Variants in KAZN observed in about 807,000 individuals in gnomAD.
KAZN encodes the protein kazrin.
Under a neutral mutation model 87.4 loss-of-function variants are expected in KAZN, and 40 were observed. The observed-to-expected ratio is 0.46, with a 90% CI of 0.36 to 0.60. The LOEUF is 0.60. Ranked by LOEUF, KAZN falls within the 20% of genes least tolerant of loss-of-function variation. KAZN has a pLI of 0.00. For synonymous variants in KAZN, 466 were observed against 458.3 expected (o/e 1.02, Z -0.22); for missense variants, 898 against 1,073.9 (o/e 0.84, Z 2.29).
At chr1:14,030,639 C>T (rs1390009645) in intron 1 of KAZN, among the ~76,000 whole-genome samples, 2 of 23,002 alleles carry the variant, frequency 8.7e-5, no homozygotes, top group Non-Finnish European at 6.1e-4. Context: ...CACAGATACA[C>T]ACACACACAC....
chr1:14,056,099 A>G (rs904923254), intron 1 of KAZN, among the ~76,000 whole-genome samples: 5 of 152,216 alleles, frequency 3.3e-5, no homozygotes, highest in Admixed American at 2.6e-4. Context: ...CTTTTCACCT[A>G]GGAGGCAACT....
At chr1:13,999,946 A>G (rs34348834) in intron 1 of KAZN, among the ~76,000 whole-genome samples, 22,101 of 152,168 alleles carry the variant, frequency 0.15, 1,710 homozygotes, top group Middle Eastern at 0.22. Flanking sequence ...AGAAAATCTA[A>G]AAGAAATAGA....
chr1:14,416,601 G>C (rs1269830491), intron 2 of KAZN, among the ~76,000 whole-genome samples: 2 of 152,072 alleles, frequency 1.3e-5, no homozygotes, highest in Non-Finnish European at 2.9e-5. Flanking sequence ...GCCGGGCATG[G>C]TGGTGGGCAC....
chr1:15,084,617 T>G (rs1640164305), intron 8 of KAZN, among the ~76,000 whole-genome samples: 1 of 152,196 alleles, frequency 6.6e-6, no homozygotes, highest in South Asian at 2.1e-4. Context: ...GGTTAAATTT[T>G]GGGATATAGC....
chr1:14,577,426 G>T (rs1334674203), intron 2 of KAZN, among the ~76,000 whole-genome samples: 1 of 152,166 alleles, frequency 6.6e-6, no homozygotes, highest in African/African-American at 2.4e-5. Flanking sequence ...CCCTCAGCTT[G>T]GAAATGTGCC....
intron 2 of KAZN, among the ~76,000 whole-genome samples, chr1:14,299,306 C>A (rs1053270581): frequency 1.3e-5 from 2 of 151,968 alleles, no homozygotes; most frequent in African/African-American, 2.4e-5. Flanking sequence ...AGTTCAAGAC[C>A]AACTTGGCCA....
chr1:14,976,233 A>T (rs1438735036), intron 2 of KAZN, among the ~76,000 whole-genome samples: 1 of 152,092 alleles, frequency 6.6e-6, no homozygotes, highest in Non-Finnish European at 1.5e-5. Context: ...CAGTGGCATA[A>T]TCTCGGCTCA....
intron 1 of KAZN, among the ~76,000 whole-genome samples, chr1:14,075,524 G>T (rs1382071786): frequency 2.6e-5 from 4 of 152,090 alleles, no homozygotes; most frequent in African/African-American, 9.7e-5. Flanking sequence ...TAAGGGGTTG[G>T]CATGGAACAG....
intron 2 of KAZN, among the ~76,000 whole-genome samples, chr1:14,407,371 G>C (rs1417376795): frequency 6.6e-6 from 1 of 152,194 alleles, no homozygotes; most frequent in African/African-American, 2.4e-5. Context: ...ATCAGATATT[G>C]TTCTGCTGGT....
intron 2 of KAZN, among the ~76,000 whole-genome samples, chr1:14,551,432 G>T (rs143450149): frequency 2.4e-3 from 362 of 152,278 alleles, no homozygotes; most frequent in Non-Finnish European, 4.1e-3. Flanking sequence ...ACGCAGCTAG[G>T]CTCGGGACAA....
chr1:14,685,428 G>A (rs762315631), intron 1 of KAZN, among the ~76,000 whole-genome samples: 6 of 152,312 alleles, frequency 3.9e-5, no homozygotes, highest in South Asian at 4.1e-4. Context: ...GAAGAAATGC[G>A]GGCAGTGGTA....
Position 14,855,919 on chromosome 1 carries a change from G to T in KAZN, c.227-104765G>T, listed in dbSNP as rs12096242. 5.3e-3 allele frequency among the ~76,000 whole-genome samples: 812 copies of T among 152,292 alleles called. 10 individuals are homozygous for T. Among genetic ancestry groups the T allele is most frequent in the African/African-American group, 0.019 (782 of 41,562 alleles). ...GTTCTCCCCTTTAAACAGAGGGAGC[G>T]GCTGCTTACAGAGCTACTGTCAAAG... On this transcript the variant is annotated intron_variant, in intron 1 of 14. Transcript: ENST00000376030.
intron 2 of KAZN, among the ~76,000 whole-genome samples, chr1:14,205,892 A>AAAAAAAAAAAAAAAG: frequency 1.7e-5 from 1 of 60,596 alleles, no homozygotes; most frequent in Non-Finnish European, 2.9e-5. Context: ...CTCAAAAAAA[A>AAAAAAAAAAAAAAAG]AAAAAAAAAA....
chr1:14,432,657 G>T (rs1666140196), intron 2 of KAZN, among the ~76,000 whole-genome samples: 1 of 151,984 alleles, frequency 6.6e-6, no homozygotes, highest in Non-Finnish European at 1.5e-5. Flanking sequence ...GCACCTATCA[G>T]CCTGTCATCT....
chr1:14,157,996 C>T (rs1377377992), intron 1 of KAZN, among the ~76,000 whole-genome samples: 1 of 152,162 alleles, frequency 6.6e-6, no homozygotes, highest in Non-Finnish European at 1.5e-5. Context: ...AATCACCTCC[C>T]ACCAGGTCAC....
intron 2 of KAZN, among the ~76,000 whole-genome samples, chr1:14,185,613 A>G (rs574662227): frequency 5.3e-5 from 8 of 152,202 alleles, no homozygotes; most frequent in Non-Finnish European, 1.0e-4. Flanking sequence ...CCCTCTTTCC[A>G]TACTGCCACA....
At chr1:14,497,264 TATAAG>T (rs1669991768) in intron 2 of KAZN, among the ~76,000 whole-genome samples, 2 of 141,540 alleles carry the variant, frequency 1.4e-5, no homozygotes, top group Middle Eastern at 4.0e-3. Flanking sequence ...TTATAAGAGA[TATAAG>T]AGAATGACTG....
chr1:14,373,908 TTACA>T (rs1660701239), intron 2 of KAZN, among the ~76,000 whole-genome samples: 1 of 152,196 alleles, frequency 6.6e-6, no homozygotes, highest in Non-Finnish European at 1.5e-5. Context: ...TAAACGGATC[TTACA>T]TAAAGTGGAA....
intron 2 of KAZN, among the ~76,000 whole-genome samples, chr1:14,294,848 G>A (rs1653992478): frequency 6.6e-6 from 1 of 151,318 alleles, no homozygotes; most frequent in African/African-American, 2.4e-5. Context: ...AGAGTGCCTA[G>A]GTCATAGAGA....
Sources: gnomAD v4.1 joint callset for allele counts (sites outside exome capture counted in the v4.1 genomes callset) on GRCh38, gnomAD v4.1.1 for gene constraint, MANE v1.5 for transcripts, NCBI Gene and HGNC (gene_info 2026-07-23, HGNC 2026-07-21) for gene names.